CAP2: variants seen among roughly 807,000 people sequenced by gnomAD.
The protein encoded by CAP2 is adenylyl cyclase-associated protein 2.
Under a neutral mutation model 57.7 loss-of-function variants are expected in CAP2, and 24 were observed. That is an observed-to-expected ratio of 0.42 (90% CI 0.30 to 0.58). CAP2 has a LOEUF of 0.58. CAP2 is among the 20% of genes least tolerant of loss of function. The probability of loss-of-function intolerance (pLI) is 0.22; values close to 1 mark genes in which losing one functional copy is unlikely to be tolerated. For missense variants in CAP2, 501 were observed against 590.3 expected (o/e 0.85, Z 1.57); for synonymous variants, 194 against 207.2 (o/e 0.94, Z 0.55).
At chr6:17,511,315 C>T (rs1762141992) in intron 6 of CAP2, among the ~76,000 whole-genome samples, 1 of 152,134 alleles carries the variant, frequency 6.6e-6, no homozygotes, top group Non-Finnish European at 1.5e-5. Flanking sequence ...GTCACTGCTG[C>T]CCACTGGGCA....
At chr6:17,443,528 T>G (rs1474901195) in intron 3 of CAP2, among the ~76,000 whole-genome samples, 1 of 152,092 alleles carries the variant, frequency 6.6e-6, no homozygotes, top group Non-Finnish European at 1.5e-5. Flanking sequence ...TTCGTTTAGC[T>G]TATCTTGTTA....
intron 1 of CAP2, among the ~76,000 whole-genome samples, chr6:17,399,298 G>C (rs1006715916): frequency 6.6e-6 from 1 of 152,108 alleles, no homozygotes; most frequent in South Asian, 2.1e-4. Context: ...CCTGACCTCA[G>C]GTAATGCACC....
intron 4 of CAP2, among the ~76,000 whole-genome samples, chr6:17,489,301 A>G (rs113029484): frequency 7.9e-5 from 12 of 152,116 alleles, no homozygotes; most frequent in Middle Eastern, 3.2e-3. Context: ...GTGTGGTGGC[A>G]CGCGCCTATA....
chr6:17,432,209 T>C (rs1010397008), intron 3 of CAP2, among the ~76,000 whole-genome samples: 1 of 152,234 alleles, frequency 6.6e-6, no homozygotes, highest in African/African-American at 2.4e-5. Flanking sequence ...TCTTGTATTC[T>C]TTCAATTCTT....
At position 17,507,303 on chromosome 6, in the gene CAP2, G is replaced by A; in HGVS notation, c.435G>A (p.Trp145Ter). The change falls in exon 5 of 13, where the codon TGG becomes TGA. Residue 145 changes from tryptophan to a stop codon, truncating the protein, a stop_gained. Transcript: ENST00000229922. LOFTEE classifies it high-confidence loss of function. ...GCGAAAGCATCCCTGCCCTTGGATG[G>A]ATAGCTGTGGTGAGTCCAGGTGCAA... ...AVSESIPALG[W>*]IAVSPKPGPY... The A allele has an allele frequency of 6.2e-7, 1 of 1,614,172 alleles. No homozygotes were observed. Among genetic ancestry groups the A allele is most frequent in the Non-Finnish European group, 8.5e-7 (1 of 1,180,010 alleles).
At chr6:17,423,382 A>G (rs1283823843) in intron 2 of CAP2, among the ~76,000 whole-genome samples, 3 of 152,212 alleles carry the variant, frequency 2.0e-5, no homozygotes, top group African/African-American at 7.2e-5. Flanking sequence ...ACTGAGACAC[A>G]TCTATGATTT....
In CAP2 at chr6:17,548,212, C is replaced by CA. The variant is rs1201753627; in HGVS notation, c.1210-3245dup. Among the ~76,000 whole-genome samples the CA allele has an allele frequency of 1.1e-4, 16 of 151,354 alleles. No individual in the cohort carries two copies. In the East Asian group the frequency reaches 1.6e-3, roughly 15 times the overall value. ...GAAACCCCATTTCTACTAAAAAATA[C>CA]AAAAAAATAGCTCGTCATGGTGCAG... On this transcript the variant is annotated intron_variant, in intron 11 of 12. Coordinates refer to ENST00000229922, the MANE Select transcript of CAP2 (RefSeq NM_006366.3).
Position 17,424,378 on chromosome 6 carries a change from CG to C in CAP2, c.122-2211del, listed in dbSNP as rs562025691. Among the ~76,000 whole-genome samples, 374 of 152,076 alleles carry C rather than the reference CG, an allele frequency of 2.5e-3. 2 individuals carry two copies. Among genetic ancestry groups the C allele is most frequent in the African/African-American group, 8.6e-3 (356 of 41,506 alleles). ...TCGCGCCACTGCACTCCAGCCTGGG[CG>C]ACACAGAGCAAGACTCCGTCTCAAA... On this transcript the variant is annotated intron_variant, in intron 2 of 12. Coordinates refer to ENST00000229922, the MANE Select transcript of CAP2 (RefSeq NM_006366.3).
intron 1 of CAP2, among the ~76,000 whole-genome samples, chr6:17,413,450 C>T (rs1759192676): frequency 6.6e-6 from 1 of 152,160 alleles, no homozygotes; most frequent in Non-Finnish European, 1.5e-5. Flanking sequence ...AGCTTCCTGG[C>T]TTGACTGAGC....
chr6:17,408,207 T>C (rs1759037622), intron 1 of CAP2, among the ~76,000 whole-genome samples: 1 of 152,124 alleles, frequency 6.6e-6, no homozygotes, highest in Non-Finnish European at 1.5e-5. Context: ...CTGTTTCTGG[T>C]AAAGGCCTCA....
chr6:17,540,816 C>G (rs1201776003), intron 8 of CAP2, among the ~76,000 whole-genome samples, 157 bp from the exon 9 acceptor site: 1 of 152,234 alleles, frequency 6.6e-6, no homozygotes, highest in African/African-American at 2.4e-5. Flanking sequence ...GTACAGGACT[C>G]AGCTCCTGCA....
chr6:17,443,349 C>T (rs574374790), intron 3 of CAP2, among the ~76,000 whole-genome samples: 2 of 152,128 alleles, frequency 1.3e-5, no homozygotes, highest in African/African-American at 2.4e-5. Context: ...TTTGTCTTGC[C>T]TCTTGCCTTG....
chr6:17,441,328 A>T (rs1760067624), intron 3 of CAP2, among the ~76,000 whole-genome samples: 1 of 151,662 alleles, frequency 6.6e-6, no homozygotes. Flanking sequence ...CAAGGAAAAC[A>T]TGCTGCCTTT....
At chr6:17,514,016 G>A (rs1174159342) in intron 7 of CAP2, 62 bp downstream of exon 7, 2 of 999,904 alleles carry the variant, frequency 2.0e-6, no homozygotes, top group East Asian at 2.4e-5. Context: ...TACACCCTGT[G>A]GCCCAGTAAT....
In CAP2 at chr6:17,512,687, C is replaced by T. The variant is rs547409227; in HGVS notation, c.531-1162C>T. 3.9e-5 allele frequency among the ~76,000 whole-genome samples: 6 copies of T among 152,198 alleles called. No individual in the cohort carries two copies. The South Asian group carries it at 8.3e-4, about 21-fold the overall frequency. ...TTTTGACTGTGAAGGTGAGGTAAAG[C>T]GACAATGAGATTTTTCATACATTTG... On this transcript the variant is annotated intron_variant, in intron 6 of 12. Coordinates refer to ENST00000229922, the MANE Select transcript of CAP2 (RefSeq NM_006366.3).
At chr6:17,505,091 C>T (rs1761941747) in intron 4 of CAP2, among the ~76,000 whole-genome samples, 1 of 152,096 alleles carries the variant, frequency 6.6e-6, no homozygotes. Flanking sequence ...TGTGTACCTC[C>T]CATGTGCCAG....
intron 3 of CAP2, among the ~76,000 whole-genome samples, chr6:17,439,045 A>G (rs1010366845): frequency 1.4e-4 from 21 of 150,920 alleles, no homozygotes; most frequent in Non-Finnish European, 2.5e-4. Flanking sequence ...CAGGAGCCGG[A>G]GGTTGCAATG....
chr6:17,421,473 G>C lies in CAP2; in HGVS notation c.-1-82G>C, dbSNP rs1196362253. The C allele has an allele frequency of 1.4e-5, 19 of 1,357,576 alleles. 1 individual carries two copies. The Admixed American group carries it at 2.1e-4, about 15-fold the overall frequency. 84.1% of individuals were successfully genotyped at this position (1,357,576 alleles called of 1,614,324 possible). ...CCCCAGTGATTGTGTCTTCCTCCTC[G>C]CTGTTGTTGAGACTGATGGTGTTGG... On this transcript the variant is annotated intron_variant, in intron 1 of 12. Coordinates refer to ENST00000229922, the MANE Select transcript of CAP2 (RefSeq NM_006366.3).
At position 17,556,600 on chromosome 6, in the gene CAP2, G is replaced by C. The variant is rs761411391; in HGVS notation, c.*158G>C. 1.8e-6 allele frequency: 1 copy of C among 566,496 alleles called. No homozygotes were observed. Among genetic ancestry groups the C allele is most frequent in the Admixed American group, 3.0e-5 (1 of 32,912 alleles). 35.1% of individuals were successfully genotyped at this position (566,496 alleles called of 1,614,324 possible). On this transcript the variant is annotated 3_prime_UTR_variant, in exon 13 of 13. Transcript: ENST00000229922. ...TACAGCACTGTTTCTGGCACGCCTC[G>C]TGGGCATTTTGAAATATTTAACGTT...
Sources: gnomAD v4.1 joint callset for allele counts (sites outside exome capture counted in the v4.1 genomes callset) on GRCh38, gnomAD v4.1.1 for gene constraint, MANE v1.5 for transcripts, NCBI Gene and HGNC (gene_info 2026-07-23, HGNC 2026-07-21) for gene names.